ARFIP1: variants seen among roughly 807,000 people sequenced by gnomAD.
ARFIP1 encodes ARF interacting protein 1.
A neutral mutation model predicts 42.5 loss-of-function variants in ARFIP1; 24 were observed. That is an observed-to-expected ratio of 0.57 (90% CI 0.41 to 0.80). ARFIP1 has a LOEUF of 0.80. ARFIP1 is among the 30% of genes least tolerant of loss of function. The pLI, the probability that ARFIP1 is intolerant of heterozygous loss-of-function variation, is 0.00. For synonymous variants in ARFIP1, 141 were observed against 153.7 expected, an observed-to-expected ratio of 0.92 and a Z score of 0.61; for missense variants, 354 against 434.0, an observed-to-expected ratio of 0.82 and a Z score of 1.64.
chr4:152,784,560 G>T (rs1730683040), intron 1 of ARFIP1, among the ~76,000 whole-genome samples: 1 of 152,186 alleles, frequency 6.6e-6, no homozygotes, highest in Non-Finnish European at 1.5e-5. Flanking sequence ...TTAAGTGAAT[G>T]CTGTTTTTCA....
At chr4:152,832,914 T>C (rs1476164703) in intron 2 of ARFIP1, among the ~76,000 whole-genome samples, 1 of 152,136 alleles carries the variant, frequency 6.6e-6, no homozygotes, top group Non-Finnish European at 1.5e-5. Context: ...ATTAAAAGCC[T>C]AACTGTAAGA....
chr4:152,848,690 G>A (rs757892904), intron 2 of ARFIP1, among the ~76,000 whole-genome samples: 14 of 152,150 alleles, frequency 9.2e-5, no homozygotes, highest in Non-Finnish European at 2.1e-4. Flanking sequence ...CCAAGAGATT[G>A]GAATCACTGT....
At chr4:152,846,791 T>C (rs1732569944) in intron 2 of ARFIP1, among the ~76,000 whole-genome samples, 1 of 152,234 alleles carries the variant, frequency 6.6e-6, no homozygotes, top group Non-Finnish European at 1.5e-5. Context: ...AATCTTATAA[T>C]GGCTTTTGTT....
rs1467572592 is a variant in ARFIP1 at position 152,910,395 on chromosome 4, T to A, written c.*176T>A. 1 of 685,048 alleles carries A rather than the reference T, an allele frequency of 1.5e-6. No homozygotes were observed. Among genetic ancestry groups the A allele is most frequent in the African/African-American group, 1.8e-5 (1 of 54,532 alleles). The allele number at this position is 685,048 out of a possible 1,614,324, so 42.4% of individuals were successfully genotyped here. Reference sequence around the variant, plus strand: ...TAACAATTGAACTGTTAAGGGTGGTTTTAATGTAAACATAGTTTCTATAAT... The same window carrying A: ...TAACAATTGAACTGTTAAGGGTGGTATTAATGTAAACATAGTTTCTATAAT... On this transcript the variant is annotated 3_prime_UTR_variant, in exon 9 of 9. Coordinates refer to ENST00000353617, the MANE Select transcript of ARFIP1 (RefSeq NM_001025595.3).
chr4:152,789,202 T>A (rs1453699376), intron 1 of ARFIP1, among the ~76,000 whole-genome samples: 1 of 149,916 alleles, frequency 6.7e-6, no homozygotes, highest in East Asian at 2.0e-4. Context: ...GCGATTTTCC[T>A]GTCTCAGCCT....
chr4:152,904,562 C>T (rs907308631), intron 8 of ARFIP1, among the ~76,000 whole-genome samples: 9 of 152,058 alleles, frequency 5.9e-5, no homozygotes, highest in South Asian at 2.1e-4. Context: ...GGCAACCCCC[C>T]GACAGGCCCC....
At chr4:152,900,640 A>G (rs1243781407) in intron 8 of ARFIP1, among the ~76,000 whole-genome samples, 1 of 152,186 alleles carries the variant, frequency 6.6e-6, no homozygotes, top group Non-Finnish European at 1.5e-5. Context: ...TAATAAAATT[A>G]TACTCCACAA....
intron 8 of ARFIP1, among the ~76,000 whole-genome samples, chr4:152,892,413 C>T (rs553218114): frequency 9.9e-5 from 15 of 152,186 alleles, no homozygotes; most frequent in African/African-American, 3.6e-4. Flanking sequence ...AAATGAGAAG[C>T]CAGATAACCA....
chr4:152,895,483 C>T (rs1737231308), intron 8 of ARFIP1, among the ~76,000 whole-genome samples: 3 of 150,112 alleles, frequency 2.0e-5, no homozygotes, highest in Admixed American at 1.3e-4. Context: ...AACTCCTGGC[C>T]ATAAATGATC....
At chr4:152,858,098 C>A (rs1206903250) in intron 2 of ARFIP1, among the ~76,000 whole-genome samples, 1 of 152,140 alleles carries the variant, frequency 6.6e-6, no homozygotes, top group East Asian at 1.9e-4. Context: ...TTGAGACCAG[C>A]TGGGGCAACA....
chr4:152,804,421 ATT>A (rs1491337764), intron 1 of ARFIP1, among the ~76,000 whole-genome samples: 2 of 107,688 alleles, frequency 1.9e-5, no homozygotes, highest in African/African-American at 7.9e-5. Flanking sequence ...TGTATTATAT[ATT>A]ATATATAATA....
chr4:152,815,738 CTTTTTTTTTTTT>C (rs1218298842), intron 1 of ARFIP1, among the ~76,000 whole-genome samples: 2 of 85,548 alleles, frequency 2.3e-5, no homozygotes, highest in African/African-American at 4.4e-5. Flanking sequence ...CTGACCACTT[CTTTTTTTTTTTT>C]TTTTTTTTTT....
chr4:152,882,627 A>G, intron 6 of ARFIP1, 96 bp from the exon 7 acceptor site: 1 of 1,191,192 alleles, frequency 8.4e-7, no homozygotes, highest in Non-Finnish European at 1.2e-6. Context: ...ATCTCTATCT[A>G]AATCACATAT....
chr4:152,887,640 A>G (rs1041067328), intron 7 of ARFIP1, among the ~76,000 whole-genome samples: 2 of 152,116 alleles, frequency 1.3e-5, no homozygotes, highest in African/African-American at 4.8e-5. Context: ...TTATTATTTC[A>G]TTGTAACTAC....
intron 8 of ARFIP1, among the ~76,000 whole-genome samples, chr4:152,897,941 A>G (rs1001246331): frequency 6.6e-6 from 1 of 151,610 alleles, no homozygotes; most frequent in Non-Finnish European, 1.5e-5. Flanking sequence ...GTAAAGTCTC[A>G]GAAGACACTA....
chr4:152,877,182 G>A (rs1578990213), intron 5 of ARFIP1, among the ~76,000 whole-genome samples: 2 of 152,134 alleles, frequency 1.3e-5, no homozygotes, highest in South Asian at 2.1e-4. Context: ...AGCTTGCACC[G>A]TGTACGTGGA....
intron 1 of ARFIP1, among the ~76,000 whole-genome samples, chr4:152,824,812 T>G (rs1463149495): frequency 6.6e-6 from 1 of 152,094 alleles, no homozygotes; most frequent in Non-Finnish European, 1.5e-5. Flanking sequence ...TCCAGAAGAC[T>G]CCTCAATCAG....
At chr4:152,814,835 C>T (rs1729742020) in intron 1 of ARFIP1, among the ~76,000 whole-genome samples, 1 of 152,224 alleles carries the variant, frequency 6.6e-6, no homozygotes, top group Non-Finnish European at 1.5e-5. Flanking sequence ...GCCTAGGAGA[C>T]GGAAAGTTAC....
intron 2 of ARFIP1, among the ~76,000 whole-genome samples, chr4:152,847,407 A>G (rs915432571): frequency 2.6e-5 from 4 of 151,914 alleles, no homozygotes; most frequent in African/African-American, 4.8e-5. Context: ...TGCTGGGATT[A>G]CAGGCATGAG....
Sources: allele counts gnomAD v4.1 joint callset (sites outside exome capture counted in the v4.1 genomes callset), GRCh38; gene constraint gnomAD v4.1.1; transcripts MANE v1.5; gene names NCBI Gene and HGNC (gene_info 2026-07-23, HGNC 2026-07-21).